Variants in LDLRAD4 observed in about 807,000 individuals in gnomAD.
LDLRAD4 encodes low-density lipoprotein receptor class A domain-containing protein 4.
Under a neutral mutation model 17.0 loss-of-function variants are expected in LDLRAD4, and 5 were observed. That is an observed-to-expected ratio of 0.29 (90% CI 0.15 to 0.62). LDLRAD4 has a LOEUF of 0.62. LDLRAD4 is among the 20% of genes least tolerant of loss of function. The pLI is 0.84. For synonymous variants in LDLRAD4, 168 were observed against 171.8 expected (o/e 0.98, Z 0.17); for missense variants, 340 against 424.7 (o/e 0.80, Z 1.75).
chr18:13,615,020 C>G (rs2039947473), intron 3 of LDLRAD4: 1 of 152,412 alleles, frequency 6.6e-6, no homozygotes, highest in African/African-American at 2.4e-5. Flanking sequence ...GAAGGGGCTG[C>G]CTGGAGGTAA....
chr18:13,319,295 G>A (rs966237508), intron 1 of LDLRAD4, among the ~76,000 whole-genome samples: 1 of 152,194 alleles, frequency 6.6e-6, no homozygotes, highest in African/African-American at 2.4e-5. Flanking sequence ...GTTCACGGGC[G>A]AGTAACAGAG....
intron 1 of LDLRAD4, among the ~76,000 whole-genome samples, chr18:13,318,365 G>C (rs1778722076): frequency 6.6e-6 from 1 of 152,056 alleles, no homozygotes; most frequent in African/African-American, 2.4e-5. Context: ...GAGTTCAAGC[G>C]ATTCTCGTGC....
At chr18:13,336,207 CA>C (rs1271253009) in intron 1 of LDLRAD4, among the ~76,000 whole-genome samples, 2 of 152,200 alleles carry the variant, frequency 1.3e-5, no homozygotes, top group Non-Finnish European at 2.9e-5. Flanking sequence ...CAACCCGAAT[CA>C]AATGTCAGCA....
intron 3 of LDLRAD4, among the ~76,000 whole-genome samples, chr18:13,473,715 T>TTATACAGG (rs1486728028): frequency 1.4e-5 from 2 of 144,878 alleles, no homozygotes; most frequent in Admixed American, 1.4e-4. Context: ...AATATACATA[T>TTATACAGG]TATACAGGGG....
chr18:13,491,798 A>G (rs139266507), intron 3 of LDLRAD4, among the ~76,000 whole-genome samples: 379 of 152,326 alleles, frequency 2.5e-3, no homozygotes, highest in Non-Finnish European at 4.0e-3. Context: ...TCACCCTGGT[A>G]CTTTTCCCAT....
At chr18:13,531,631 C>A (rs1402733452) in intron 3 of LDLRAD4, among the ~76,000 whole-genome samples, 3 of 130,074 alleles carry the variant, frequency 2.3e-5, no homozygotes. Flanking sequence ...TTTGTGATAA[C>A]AATGTCATGG....
intron 3 of LDLRAD4, among the ~76,000 whole-genome samples, chr18:13,550,943 AC>A (rs1463372381): frequency 2.0e-5 from 3 of 152,090 alleles, no homozygotes; most frequent in Admixed American, 2.0e-4. Flanking sequence ...ATGGCTGGCC[AC>A]ACCACCCTCC....
chr18:13,649,105 C>T (rs758220783), exon 6 of LDLRAD4: 10 of 152,164 alleles, frequency 6.6e-5, no homozygotes, highest in Non-Finnish European at 1.2e-4. Flanking sequence ...AAAGATTTAT[C>T]GTGAGGACTG....
intron 3 of LDLRAD4, among the ~76,000 whole-genome samples, chr18:13,476,501 G>A (rs1446471713): frequency 6.6e-6 from 1 of 151,964 alleles, no homozygotes; most frequent in Non-Finnish European, 1.5e-5. Context: ...GTGTGCACCT[G>A]TAGTTCCAGC....
intron 3 of LDLRAD4, among the ~76,000 whole-genome samples, chr18:13,509,118 A>G (rs1001391505): frequency 7.9e-5 from 12 of 152,320 alleles, no homozygotes; most frequent in Non-Finnish European, 1.6e-4. Flanking sequence ...GCCTTTGGCA[A>G]CACAGGGAGA....
At chr18:13,641,767 C>T (rs2148976504) in intron 4 of LDLRAD4, 3 of 985,472 alleles carry the variant, frequency 3.0e-6, no homozygotes, top group East Asian at 1.1e-4. Flanking sequence ...GGCCGGGCCT[C>T]GGGGGCGCAG....
In LDLRAD4 at chr18:13,453,312, C is replaced by A. The variant is rs546240006; in HGVS notation, c.181+14928C>A. On this transcript the variant is annotated intron_variant, in intron 3 of 5. Transcript: ENST00000359446. ...GGTGTGAGGTTCGAAAGGAGCAGGA[C>A]CCTTCATGATGTTTTTCTTGGAGGC... 6.6e-5 allele frequency among the ~76,000 whole-genome samples: 10 copies of A among 152,192 alleles called. No individual in the cohort carries two copies. In the South Asian group the frequency reaches 1.9e-3, roughly 28 times the overall value.
At chr18:13,234,960 A>G (rs2042263012) in intron 1 of LDLRAD4, 1 of 152,194 alleles carries the variant, frequency 6.6e-6, no homozygotes, top group African/African-American at 2.4e-5. Context: ...TAAAAAAATC[A>G]TCAGATTAGG....
chr18:13,244,438 C>G (rs1334092025), intron 1 of LDLRAD4, among the ~76,000 whole-genome samples: 1 of 152,144 alleles, frequency 6.6e-6, no homozygotes, highest in South Asian at 2.1e-4. Flanking sequence ...CCATCCTCCA[C>G]CATCAACCTT....
chr18:13,362,007 T>C (rs1290280161), intron 1 of LDLRAD4, among the ~76,000 whole-genome samples: 2 of 151,808 alleles, frequency 1.3e-5, no homozygotes, highest in Non-Finnish European at 2.9e-5. Context: ...AGGAGGCGAA[T>C]TTTGAGTGTA....
chr18:13,492,132 C>T (rs1600790426), intron 3 of LDLRAD4, among the ~76,000 whole-genome samples: 2 of 152,252 alleles, frequency 1.3e-5, no homozygotes, highest in South Asian at 2.1e-4. Flanking sequence ...AAGACAAGAC[C>T]GATTCGGGCA....
At chr18:13,533,570 A>G (rs984472506) in intron 3 of LDLRAD4, among the ~76,000 whole-genome samples, 1 of 152,200 alleles carries the variant, frequency 6.6e-6, no homozygotes, top group Non-Finnish European at 1.5e-5. Flanking sequence ...TTAAATATAA[A>G]TTGTACTTAC....
At chr18:13,275,106 T>A (rs1230045794), upstream of LDLRAD4, among the ~76,000 whole-genome samples, 1 of 152,208 alleles carries the variant, frequency 6.6e-6, no homozygotes, top group East Asian at 1.9e-4. Context: ...GGCATTTTGT[T>A]TTAGAATTAG....
chr18:13,305,494 A>G (rs1479485322), intron 1 of LDLRAD4, among the ~76,000 whole-genome samples: 1 of 152,206 alleles, frequency 6.6e-6, no homozygotes, highest in Non-Finnish European at 1.5e-5. Flanking sequence ...GTGAAAAGGA[A>G]TCTCTTGAGG....
Sources: gnomAD v4.1 joint callset for allele counts (sites outside exome capture counted in the v4.1 genomes callset) on GRCh38, gnomAD v4.1.1 for gene constraint, MANE v1.5 for transcripts, NCBI Gene and HGNC (gene_info 2026-07-23, HGNC 2026-07-21) for gene names.